The following ABCD2 variants were observed in gnomAD, a reference collection of about 807,000 sequenced individuals.
ABCD2 encodes ATP binding cassette subfamily D member 2.
In ABCD2, 36 loss-of-function variants were observed where a neutral mutation model predicts 70.9. The ratio of observed to expected loss-of-function variants is 0.51; its 90% CI spans 0.39 to 0.67. ABCD2 has a LOEUF of 0.67. Among genes scored for constraint, ABCD2 ranks in the 30% least tolerant of loss-of-function variants. The pLI is 0.00. For synonymous variants in ABCD2, 304 were observed against 306.9 expected, an observed-to-expected ratio of 0.99 and a Z score of 0.10; for missense variants, 729 against 890.2, an observed-to-expected ratio of 0.82 and a Z score of 2.30.
chr12:39,601,840 CT>C (rs1444160218), intron 5 of ABCD2, among the ~76,000 whole-genome samples: 10 of 151,994 alleles, frequency 6.6e-5, no homozygotes, highest in Admixed American at 6.5e-4. Flanking sequence ...TGCCTGTGCT[CT>C]TTCACTAGAG....
chr12:39,607,529 G>T (rs532605050), intron 3 of ABCD2, 70 bp downstream of exon 3: 5 of 1,238,138 alleles, frequency 4.0e-6, no homozygotes, highest in South Asian at 1.3e-5. Flanking sequence ...AAGTATACTT[G>T]GTAATTGACA....
chr12:39,560,425 G>T (rs889839312), intron 9 of ABCD2, among the ~76,000 whole-genome samples: 1 of 152,092 alleles, frequency 6.6e-6, no homozygotes. Context: ...GGACATTTGG[G>T]TTGGTTCCAA....
rs74088750 is a variant in ABCD2 at position 39,585,732 on chromosome 12, C to T, written c.1792+420G>A. On this transcript the variant is annotated intron_variant, in intron 7 of 9. Transcript: ENST00000308666. ...TGCTGCTTGAGAGCAAAAAAAGATA[C>T]TGGTCAGATTGTGGGTCTGAAAACA... Among the ~76,000 whole-genome samples, 370 of 152,160 alleles carry T rather than the reference C, an allele frequency of 2.4e-3. 2 individuals carry two copies. The highest frequency in any genetic ancestry group is 8.4e-3 in the African/African-American group (350 of 41,512).
chr12:39,544,269 T>G, the ABCD2 span, among the ~76,000 whole-genome samples: 3 of 152,144 alleles, frequency 2.0e-5, no homozygotes, highest in East Asian at 5.8e-4. Flanking sequence ...TTGATCTGGG[T>G]GATGCCAGCT....
At chr12:39,607,214 T>A (rs188727190) in intron 3 of ABCD2, among the ~76,000 whole-genome samples, 1 of 152,328 alleles carries the variant, frequency 6.6e-6, no homozygotes, top group Admixed American at 6.5e-5. Flanking sequence ...GTCAGTGTTA[T>A]CATATCCCCA....
the ABCD2 span, among the ~76,000 whole-genome samples, chr12:39,534,353 C>A: frequency 6.6e-6 from 1 of 152,158 alleles, no homozygotes; most frequent in Non-Finnish European, 1.5e-5. Flanking sequence ...GGAATCAAAT[C>A]CCAGCTTTAG....
At chr12:39,606,974 C>T (rs1941976890) in intron 3 of ABCD2, among the ~76,000 whole-genome samples, 1 of 152,046 alleles carries the variant, frequency 6.6e-6, no homozygotes, top group Admixed American at 6.6e-5. Flanking sequence ...AGGCAATATA[C>T]ACAGCTATAA....
At chr12:39,556,437 A>T (rs570092562) in intron 9 of ABCD2, among the ~76,000 whole-genome samples, 422 of 151,964 alleles carry the variant, frequency 2.8e-3, no homozygotes, top group Middle Eastern at 0.01. Context: ...TTTTCATGAG[A>T]TCTGGTGGTT....
At chr12:39,574,687 A>C (rs1941492728) in intron 8 of ABCD2, among the ~76,000 whole-genome samples, 2 of 152,232 alleles carry the variant, frequency 1.3e-5, no homozygotes, top group South Asian at 4.1e-4. Context: ...TTACTATTCA[A>C]TTTGGAGTTG....
intron 3 of ABCD2, among the ~76,000 whole-genome samples, chr12:39,605,583 C>T (rs963699212): frequency 6.6e-6 from 1 of 151,946 alleles, no homozygotes; most frequent in African/African-American, 2.4e-5. Flanking sequence ...CTACTTTAGT[C>T]CACAAAGCTC....
intron 6 of ABCD2, among the ~76,000 whole-genome samples, chr12:39,595,656 C>T (rs1941806023): frequency 6.6e-6 from 1 of 152,094 alleles, no homozygotes; most frequent in South Asian, 2.1e-4. Flanking sequence ...TACTTGTGCA[C>T]ACAACCCTGT....
rs1473996904 is a variant in ABCD2 at position 39,619,410 on chromosome 12, G to A, written c.206C>T (p.Thr69Ile). The change falls in exon 1 of 10, where the codon ACC becomes ATC. Residue 69 changes from threonine (T) to isoleucine (I), a missense_variant. Physicochemically the swap from Thr to Ile is moderately conservative, Grantham distance 89. Coordinates refer to ENST00000308666, the MANE Select transcript of ABCD2 (RefSeq NM_005164.4). ...AAENTEILHC[T>I]ETICEKPSPG... ...CGAAGGTTTTTCACAAATGGTCTCG[G>A]TGCAATGCAGTATTTCTGTGTTCTC... is the stretch of plus-strand genomic sequence containing the variant. 14 of 1,614,002 alleles carry A rather than the reference G, an allele frequency of 8.7e-6. No homozygotes were observed. Among genetic ancestry groups the A allele is most frequent in the Non-Finnish European group, 1.0e-5 (12 of 1,180,036 alleles).
intron 6 of ABCD2, among the ~76,000 whole-genome samples, chr12:39,599,489 A>G (rs886476434): frequency 2.6e-5 from 4 of 152,244 alleles, no homozygotes; most frequent in African/African-American, 9.6e-5. Context: ...TTTTGGTGTC[A>G]CAAAATGTTA....
At chr12:39,606,664 A>G (rs1941973698) in intron 3 of ABCD2, among the ~76,000 whole-genome samples, 1 of 152,202 alleles carries the variant, frequency 6.6e-6, no homozygotes, top group Non-Finnish European at 1.5e-5. Context: ...TAATTCTTTT[A>G]TATAGTTTAT....
chr12:39,607,745 GTTTTTTT>G (rs58771682), intron 2 of ABCD2, 31 bp from the exon 3 acceptor site: 1 of 775,082 alleles, frequency 1.3e-6, no homozygotes, highest in Non-Finnish European at 1.9e-6. Flanking sequence ...CAAAACTTGA[GTTTTTTT>G]TTTTTTTTTT....
At chr12:39,535,441 G>A in the ABCD2 span, among the ~76,000 whole-genome samples, 1 of 151,906 alleles carries the variant, frequency 6.6e-6, no homozygotes, top group Non-Finnish European at 1.5e-5. Context: ...ATATGTGAGG[G>A]CAAATAAATC....
At chr12:39,587,681 C>T (rs551935972) in intron 6 of ABCD2, among the ~76,000 whole-genome samples, 194 of 152,204 alleles carry the variant, frequency 1.3e-3, no homozygotes, top group Middle Eastern at 3.4e-3. Flanking sequence ...AAAAGGCCTA[C>T]GTATCCTTTC....
chr12:39,607,326 C>CCTT (rs1941981991), intron 3 of ABCD2, among the ~76,000 whole-genome samples: 1 of 151,992 alleles, frequency 6.6e-6, no homozygotes, highest in Non-Finnish European at 1.5e-5. Flanking sequence ...ACTCTGGCTC[C>CCTT]AGAGTTCATA....
chr12:39,609,256 G>A (rs1045009500), intron 2 of ABCD2, among the ~76,000 whole-genome samples: 10 of 152,136 alleles, frequency 6.6e-5, no homozygotes, highest in African/African-American at 2.4e-4. Flanking sequence ...AATCAGACTA[G>A]GTTTGAATCT....
Sources: gnomAD v4.1 joint callset for allele counts (sites outside exome capture counted in the v4.1 genomes callset) on GRCh38, gnomAD v4.1.1 for gene constraint, MANE v1.5 for transcripts, NCBI Gene and HGNC (gene_info 2026-07-23, HGNC 2026-07-21) for gene names.